RIT2: variants seen among roughly 807,000 people sequenced by gnomAD.
RIT2 encodes Ras like without CAAX 2.
Under a neutral mutation model 23.7 loss-of-function variants are expected in RIT2, and 24 were observed. The observed-to-expected ratio is 1.01, with a 90% CI of 0.73 to 1.43. The LOEUF (loss-of-function observed/expected upper bound fraction) is 1.43, where lower values mean the gene tolerates loss of function less well. Ranked by LOEUF, RIT2 falls within the 40% of genes most tolerant of loss-of-function variation. The pLI is 0.00. For synonymous variants in RIT2, 107 were observed against 91.1 expected, an observed-to-expected ratio of 1.17 and a Z score of -0.99; for missense variants, 236 against 266.9, an observed-to-expected ratio of 0.88 and a Z score of 0.81.
intron 1 of RIT2, among the ~76,000 whole-genome samples, chr18:43,112,346 A>C (rs1471539453): frequency 6.6e-6 from 1 of 152,148 alleles, no homozygotes; most frequent in Non-Finnish European, 1.5e-5. Context: ...GTTAGGACTG[A>C]GTATAAGCGT....
At chr18:42,835,516 CTTG>C (rs1252458179) in intron 4 of RIT2, among the ~76,000 whole-genome samples, 1 of 152,052 alleles carries the variant, frequency 6.6e-6, no homozygotes, top group Non-Finnish European at 1.5e-5. Flanking sequence ...TCTCCTGCTA[CTTG>C]TTTATTAAAA....
chr18:42,807,105 T>C (rs1002358475), intron 4 of RIT2, among the ~76,000 whole-genome samples: 2 of 152,242 alleles, frequency 1.3e-5, no homozygotes, highest in African/African-American at 4.8e-5. Flanking sequence ...GCATTGGCCT[T>C]TCAAATTATG....
At chr18:43,093,223 T>G (rs1439789803) in intron 1 of RIT2, among the ~76,000 whole-genome samples, 1 of 148,592 alleles carries the variant, frequency 6.7e-6, no homozygotes, top group Admixed American at 6.6e-5. Flanking sequence ...CCTAAAGTAT[T>G]GAAGGCTACT....
At chr18:42,751,261 G>A (rs887857979) in intron 4 of RIT2, among the ~76,000 whole-genome samples, 1 of 151,860 alleles carries the variant, frequency 6.6e-6, no homozygotes, top group Non-Finnish European at 1.5e-5. Context: ...AAGAGTAGAA[G>A]TAGAGAAGGA....
At chr18:43,043,896 A>G (rs1397659705) in intron 1 of RIT2, among the ~76,000 whole-genome samples, 1 of 152,226 alleles carries the variant, frequency 6.6e-6, no homozygotes, top group Non-Finnish European at 1.5e-5. Context: ...ACACATATTT[A>G]CAAACATTTT....
intron 2 of RIT2, among the ~76,000 whole-genome samples, chr18:42,996,122 T>C (rs533470530): frequency 6.6e-6 from 1 of 152,282 alleles, no homozygotes; most frequent in East Asian, 1.9e-4. Flanking sequence ...TTCCGTTTAG[T>C]TTTTCAATTC....
intron 4 of RIT2, among the ~76,000 whole-genome samples, chr18:42,774,444 G>A (rs1211263850): frequency 6.6e-6 from 1 of 152,018 alleles, no homozygotes; most frequent in East Asian, 1.9e-4. Flanking sequence ...CCCACAACTT[G>A]ACTGTATCAG....
chr18:43,108,560 T>A (rs555333367), intron 1 of RIT2, among the ~76,000 whole-genome samples: 3 of 152,248 alleles, frequency 2.0e-5, no homozygotes, highest in African/African-American at 4.8e-5. Flanking sequence ...TGCTCGTTCA[T>A]CTCCAGTCAT....
At chr18:42,992,118 T>G (rs1284849758) in intron 2 of RIT2, among the ~76,000 whole-genome samples, 1 of 145,158 alleles carries the variant, frequency 6.9e-6, no homozygotes, top group Non-Finnish European at 1.5e-5. Flanking sequence ...TAAACTTGCC[T>G]CCTTCACTAT....
chr18:42,920,645 A>C, intron 4 of RIT2: 1 of 1,208,532 alleles, frequency 8.3e-7, no homozygotes, highest in South Asian at 1.3e-5. Flanking sequence ...TTTTTTAGAA[A>C]GGGCCCTGGG....
At chr18:42,914,146 A>G (rs1329195969) in intron 4 of RIT2, among the ~76,000 whole-genome samples, 1 of 152,120 alleles carries the variant, frequency 6.6e-6, no homozygotes, top group Non-Finnish European at 1.5e-5. Context: ...ATGCTGATCA[A>G]AATGACTAAA....
intron 4 of RIT2, among the ~76,000 whole-genome samples, chr18:42,871,093 T>G (rs939307587): frequency 3.9e-5 from 6 of 152,198 alleles, no homozygotes; most frequent in Admixed American, 3.9e-4. Context: ...AGCTAACTCA[T>G]GTTGAGATAT....
intron 4 of RIT2, among the ~76,000 whole-genome samples, chr18:42,868,408 C>A (rs569237986): frequency 1.3e-5 from 2 of 152,120 alleles, no homozygotes; most frequent in Non-Finnish European, 2.9e-5. Flanking sequence ...GCTGTGAAAA[C>A]CCAAGTTTAA....
chr18:42,926,221 TCTC>T (rs777802094), intron 3 of RIT2, among the ~76,000 whole-genome samples: 8 of 151,896 alleles, frequency 5.3e-5, no homozygotes, highest in African/African-American at 9.7e-5. Flanking sequence ...TGTGACCAAT[TCTC>T]CTCATTTTCA....
chr18:42,835,492 A>G (rs1906571937), intron 4 of RIT2, among the ~76,000 whole-genome samples: 1 of 152,136 alleles, frequency 6.6e-6, no homozygotes, highest in African/African-American at 2.4e-5. Flanking sequence ...ATATAATATT[A>G]TCTTTCAAAA....
chr18:43,091,273 C>T (rs537184081), intron 1 of RIT2, among the ~76,000 whole-genome samples: 1 of 152,018 alleles, frequency 6.6e-6, no homozygotes, highest in Non-Finnish European at 1.5e-5. Flanking sequence ...AAATTGTTGT[C>T]CCCACAGTGT....
chr18:42,895,181 GT>G (rs998385280), intron 4 of RIT2, among the ~76,000 whole-genome samples: 2 of 150,726 alleles, frequency 1.3e-5, no homozygotes, highest in Non-Finnish European at 3.0e-5. Context: ...AGTAGTCTTT[GT>G]TTTTTTTTCT....
rs567124156 is a variant in RIT2 at position 43,060,915 on chromosome 18, C to T, written c.104-27048G>A. ...AGTTTATAATGAGTACAGTAGAGAGCAGATACCCCGTATTTTTTTGAATCC... is the reference window on the plus strand; with the variant it reads ...AGTTTATAATGAGTACAGTAGAGAGTAGATACCCCGTATTTTTTTGAATCC... On this transcript the variant is annotated intron_variant, in intron 1 of 4. Coordinates refer to ENST00000326695, the MANE Select transcript of RIT2 (RefSeq NM_002930.4). Among the ~76,000 whole-genome samples the T allele has an allele frequency of 8.1e-4, 123 of 152,154 alleles. 2 individuals are homozygous for T. The South Asian group carries it at 0.013, about 16-fold the overall frequency.
At chr18:42,749,925 T>C (rs1278771827) in intron 4 of RIT2, among the ~76,000 whole-genome samples, 5 of 151,766 alleles carry the variant, frequency 3.3e-5, no homozygotes, top group African/African-American at 9.7e-5. Flanking sequence ...TTATTCACAA[T>C]AGCAAAAACG....
Sources: gnomAD v4.1 joint callset for allele counts (sites outside exome capture counted in the v4.1 genomes callset) on GRCh38, gnomAD v4.1.1 for gene constraint, MANE v1.5 for transcripts, NCBI Gene and HGNC (gene_info 2026-07-23, HGNC 2026-07-21) for gene names.